The following GORAB variants were observed in gnomAD, a reference collection of about 807,000 sequenced individuals.
The protein encoded by GORAB is golgin, RAB6 interacting.
Under a neutral mutation model 29.9 loss-of-function variants are expected in GORAB, and 17 were observed. The observed-to-expected ratio is 0.57, with a 90% confidence interval of 0.39 to 0.85. GORAB has a LOEUF of 0.85. Among genes scored for constraint, GORAB ranks in the 40% least tolerant of loss-of-function variants. The probability of loss-of-function intolerance (pLI) is 0.00; values close to 1 mark genes in which losing one functional copy is unlikely to be tolerated. For synonymous variants in GORAB, 183 were observed against 157.2 expected (o/e 1.16, Z -1.23); for missense variants, 442 against 437.8 (o/e 1.01, Z -0.09).
chr1:170,545,554 C>T (rs562471324), intron 4 of GORAB: 1 of 984,786 alleles, frequency 1.0e-6, no homozygotes, highest in Admixed American at 6.1e-5. Flanking sequence ...AAAATATGTC[C>T]AATTTCAGGG....
At chr1:170,545,457 AAG>A in intron 4 of GORAB, 1 of 976,028 alleles carries the variant, frequency 1.0e-6, no homozygotes, top group African/African-American at 1.7e-5. Flanking sequence ...CATTTTTTAA[AAG>A]AGAAAAAATA....
chr1:170,542,567 C>A lies in GORAB; in HGVS notation c.496C>A (p.Leu166Ile). ...MEEKNKRKKALLAKAIAERSK... is the reference protein window; with the variant it reads ...MEEKNKRKKAILAKAIAERSK... ...AGAGAAAAATAAACGTAAAAAAGCTCTTTTGGCTAAAGCTATTGCAGAAAG... is the reference window on the plus strand; with the variant it reads ...AGAGAAAAATAAACGTAAAAAAGCTATTTTGGCTAAAGCTATTGCAGAAAG... Residue 166 changes from leucine (L) to isoleucine (I), a missense_variant, in exon 3 of 5, where the codon CTT becomes ATT. Physicochemically the swap from Leu to Ile is conservative, Grantham distance 5 (BLOSUM62 2). Coordinates refer to ENST00000367763, the MANE Select transcript of GORAB (RefSeq NM_152281.3). 6.2e-7 allele frequency: 1 copy of A among 1,613,586 alleles called. No homozygotes were observed. The highest frequency in any genetic ancestry group is 8.5e-7 in the Non-Finnish European group (1 of 1,179,610).
chr1:170,550,460 A>G (rs577226628), intron 4 of GORAB, among the ~76,000 whole-genome samples: 1 of 152,348 alleles, frequency 6.6e-6, no homozygotes, highest in African/African-American at 2.4e-5. Flanking sequence ...GATTCTGATG[A>G]CATGACTATG....
At chr1:170,534,417 C>T (rs1304628214) in intron 1 of GORAB, among the ~76,000 whole-genome samples, 1 of 152,078 alleles carries the variant, frequency 6.6e-6, no homozygotes, top group Non-Finnish European at 1.5e-5. Context: ...GTCTTCACAG[C>T]GCCAACTGTG....
intron 2 of GORAB, among the ~76,000 whole-genome samples, chr1:170,541,065 G>A (rs1488166726): frequency 6.6e-6 from 1 of 151,996 alleles, no homozygotes; most frequent in South Asian, 2.1e-4. Flanking sequence ...TTAGCTGGGC[G>A]TGGTGGTGCA....
intron 4 of GORAB, chr1:170,545,225 A>G (rs928398930): frequency 5.0e-6 from 5 of 997,784 alleles, no homozygotes; most frequent in East Asian, 1.0e-4. Flanking sequence ...TGTTCTTTCC[A>G]TTAAAATTTT....
intron 4 of GORAB, among the ~76,000 whole-genome samples, chr1:170,550,139 T>G (rs982027945): frequency 6.6e-6 from 1 of 152,224 alleles, no homozygotes; most frequent in East Asian, 1.9e-4. Context: ...CCTGGCTGTG[T>G]TTTGGACTCA....
At chr1:170,542,456 C>A in intron 2 of GORAB, 35 bp from the exon 3 acceptor site, 1 of 1,360,630 alleles carries the variant, frequency 7.3e-7, no homozygotes, top group South Asian at 1.2e-5. Context: ...CTTTTTCTTT[C>A]ATAAACTCAT....
chr1:170,548,980 T>C (rs1432170836), intron 4 of GORAB, among the ~76,000 whole-genome samples: 1 of 152,172 alleles, frequency 6.6e-6, no homozygotes, highest in Non-Finnish European at 1.5e-5. Flanking sequence ...AATGCTAATT[T>C]ATACAAATAG....
intron 1 of GORAB, chr1:170,532,539 T>C (rs918637767): frequency 2.5e-5 from 12 of 477,408 alleles, no homozygotes; most frequent in Non-Finnish European, 4.2e-5. Flanking sequence ...TTGACTCTTG[T>C]GAAAGGAATG....
At chr1:170,538,965 T>G (rs554039729) in intron 1 of GORAB, 383 of 540,030 alleles carry the variant, frequency 7.1e-4, no homozygotes, top group Non-Finnish European at 1.1e-3. Flanking sequence ...AACTCACTGA[T>G]GGACTTTCTC....
At position 170,553,108 on chromosome 1, in the gene GORAB, TTATA is replaced by T. The variant is rs778703146; in HGVS notation, c.*651_*654del. The T allele has an allele frequency of 2.5e-4, 111 of 449,646 alleles. 3 individuals are homozygous for T. Among genetic ancestry groups the T allele is most frequent in the South Asian group, 1.8e-3 (110 of 62,628 alleles). The allele number at this position is 449,646 out of a possible 1,614,324, so 27.9% of individuals were successfully genotyped here. On this transcript the variant is annotated 3_prime_UTR_variant, in exon 5 of 5. Coordinates refer to ENST00000367763, the MANE Select transcript of GORAB (RefSeq NM_152281.3). ...GTTTTGTTATTTGAAACACACACACTTATATATAAACACATGTAATTTTACTATT... is the reference window on the plus strand; with the variant it reads ...GTTTTGTTATTTGAAACACACACACTTATAAACACATGTAATTTTACTATT...
chr1:170,541,777 A>G (rs1170644764), intron 2 of GORAB, among the ~76,000 whole-genome samples: 1 of 152,138 alleles, frequency 6.6e-6, no homozygotes, highest in Admixed American at 6.6e-5. Flanking sequence ...TCTTTAGCCC[A>G]GCATTCCAGT....
At chr1:170,537,405 G>A (rs1232025742) in intron 1 of GORAB, among the ~76,000 whole-genome samples, 1 of 152,092 alleles carries the variant, frequency 6.6e-6, no homozygotes, top group Non-Finnish European at 1.5e-5. Context: ...TGACTGTACA[G>A]TCAGCCTAGA....
At chr1:170,537,139 T>C (rs1649110776) in intron 1 of GORAB, among the ~76,000 whole-genome samples, 1 of 152,106 alleles carries the variant, frequency 6.6e-6, no homozygotes, top group African/African-American at 2.4e-5. Flanking sequence ...TTCATTCCTT[T>C]CTTTCTTCTT....
intron 2 of GORAB, among the ~76,000 whole-genome samples, chr1:170,540,293 C>T (rs1388004095): frequency 6.6e-6 from 1 of 152,022 alleles, no homozygotes; most frequent in African/African-American, 2.4e-5. Flanking sequence ...GTGGAAGATG[C>T]CATTTTTTGA....
rs1650209030 is a variant in GORAB, at chr1:170,552,785, A to G, written c.*323A>G. On this transcript the variant is annotated 3_prime_UTR_variant, in exon 5 of 5. Transcript: ENST00000367763. ...TAGATCAGATAAATATAGAAAAGTA[A>G]AATGGAAAATGATACTCAATACCTA... The G allele has an allele frequency of 2.2e-6, 1 of 463,408 alleles. No individual in the cohort carries two copies. The highest frequency in any genetic ancestry group is 2.3e-5 in the Admixed American group (1 of 42,790). The allele number at this position is 463,408 out of a possible 1,614,324, so 28.7% of individuals were successfully genotyped here.
In GORAB at chr1:170,552,399, C is replaced by G. The variant is rs775192403; in HGVS notation, c.1047C>G (p.Pro349=). 5 of 1,614,074 alleles carry G rather than the reference C, an allele frequency of 3.1e-6. No homozygotes were observed. The highest frequency in any genetic ancestry group is 2.5e-6 in the Non-Finnish European group (3 of 1,179,966). ...DDQCGNSSSI[P]FLSPNCPNQE... ...AGTGTGGAAATTCCAGTAGCATCCC[C>G]TTTCTTAGTCCAAACTGCCCAAATC... is the stretch of plus-strand genomic sequence containing the variant. Residue 349 remains proline, a synonymous_variant, in exon 5 of 5, where the codon CCC becomes CCG. Transcript: ENST00000367763.
At chr1:170,549,899 C>T (rs1220399695) in intron 4 of GORAB, among the ~76,000 whole-genome samples, 1 of 152,128 alleles carries the variant, frequency 6.6e-6, no homozygotes, top group East Asian at 1.9e-4. Flanking sequence ...ATTAACAGTA[C>T]TTTTTGATTC....
Sources: allele counts gnomAD v4.1 joint callset (sites outside exome capture counted in the v4.1 genomes callset), GRCh38; gene constraint gnomAD v4.1.1; transcripts MANE v1.5; gene names NCBI Gene and HGNC (gene_info 2026-07-23, HGNC 2026-07-21).